The following MSN variants were observed in gnomAD, a reference collection of about 807,000 sequenced individuals.
MSN encodes epididymis luminal protein 70.
MSN carries 2 observed loss-of-function variants against 48.0 expected under a neutral mutation model. The observed-to-expected ratio is 0.04, with a 90% confidence interval of 0.02 to 0.13. The LOEUF is 0.13. MSN is among the 10% of genes least tolerant of loss of function. MSN has a pLI of 1.00. For missense variants in MSN, 267 were observed against 470.1 expected (o/e 0.57, Z 3.99); for synonymous variants, 146 against 166.9 (o/e 0.87, Z 0.97).
intron 6 of MSN, 126 bp from the exon 7 acceptor site, chrX:65,733,058 T>G (rs1245169457): frequency 2.0e-6 from 1 of 494,387 alleles, no homozygotes; most frequent in African/African-American, 2.5e-5. Flanking sequence ...CTCTATTTAT[T>G]TTAAAAAAAA....
intron 1 of MSN, among the ~76,000 whole-genome samples, chrX:65,615,819 T>C (rs1354336571): frequency 1.8e-5 from 2 of 111,911 alleles, no homozygotes; most frequent in Non-Finnish European, 1.9e-5. Context: ...AGTTTTCTTC[T>C]AGGGTTTTTG....
chrX:65,650,052 C>CTTTTTTTTTTTTT (rs59222247), intron 1 of MSN, among the ~76,000 whole-genome samples: 1 of 53,195 alleles, frequency 1.9e-5, no homozygotes. Flanking sequence ...CCTTTTTTCT[C>CTTTTTTTTTTTTT]TTTTTTTTTT....
At chrX:65,664,745 C>T (rs2070854086), upstream of MSN, among the ~76,000 whole-genome samples, 1 of 105,684 alleles carries the variant, frequency 9.5e-6, no homozygotes, top group African/African-American at 3.5e-5. Context: ...ACTTCTATGC[C>T]CCCTTTCTTT....
At chrX:65,708,107 C>T (rs2071379595) in intron 1 of MSN, among the ~76,000 whole-genome samples, 1 of 110,979 alleles carries the variant, frequency 9.0e-6, no homozygotes, top group South Asian at 3.8e-4. Context: ...ACCTTGGTCT[C>T]CCAAAGTGTT....
At chrX:65,675,845 C>T (rs951682574) in intron 1 of MSN, among the ~76,000 whole-genome samples, 4 of 111,397 alleles carry the variant, frequency 3.6e-5, no homozygotes, top group Non-Finnish European at 7.5e-5. Flanking sequence ...ACCATGTTGG[C>T]CAGGCTGGTC....
intron 10 of MSN, among the ~76,000 whole-genome samples, chrX:65,738,312 C>T (rs748561459): frequency 9.0e-6 from 1 of 111,590 alleles, no homozygotes; most frequent in Non-Finnish European, 1.9e-5. Context: ...CTTCAAGAGG[C>T]CTACAGTCTA....
At chrX:65,714,979 A>G (rs2071448957) in intron 1 of MSN, among the ~76,000 whole-genome samples, 2 of 111,696 alleles carry the variant, frequency 1.8e-5, no homozygotes, top group South Asian at 7.3e-4. Context: ...TTTAATACAT[A>G]TAGAGTTGAT....
chrX:65,662,088 A>T (rs2070828098), intron 1 of MSN, among the ~76,000 whole-genome samples: 1 of 112,391 alleles, frequency 8.9e-6, no homozygotes, highest in African/African-American at 3.2e-5. Context: ...GAGGTGAAAG[A>T]TCTCTCCAAG....
At chrX:65,651,690 C>T (rs1490309375) in intron 1 of MSN, among the ~76,000 whole-genome samples, 2 of 107,298 alleles carry the variant, frequency 1.9e-5, no homozygotes, top group African/African-American at 3.4e-5. Context: ...TGGGTTCAAG[C>T]GATTCTCCTG....
At chrX:65,674,821 G>A (rs2070980615) in intron 1 of MSN, among the ~76,000 whole-genome samples, 1 of 111,834 alleles carries the variant, frequency 8.9e-6, no homozygotes, top group South Asian at 3.7e-4. Flanking sequence ...TGGAAAGGAA[G>A]CATAGAGTAG....
At chrX:65,597,103 G>GCAGA (rs2070193200) in intron 1 of MSN, among the ~76,000 whole-genome samples, 1 of 111,540 alleles carries the variant, frequency 9.0e-6, no homozygotes, top group African/African-American at 3.3e-5. Flanking sequence ...AGGCTACAGT[G>GCAGA]CAGAACTTGG....
At position 65,647,856 on chromosome X, in the gene MSN, C is replaced by T. The variant is rs191979610; in HGVS notation, c.-22+59244C>T. Among the ~76,000 whole-genome samples, 219 of 112,009 alleles carry T rather than the reference C, an allele frequency of 2.0e-3. 2 individuals are homozygous for T. The highest frequency in any genetic ancestry group is 4.9e-3 in the African/African-American group (150 of 30,904). ...AGGCCATGACAACGATTCTTTTCAT[C>T]ATAAAAGCACAGGGGAGAAGCCATT... On this transcript the variant is annotated intron_variant, in intron 1 of 3. Coordinates refer to the MSN transcript ENST00000609672.
intron 1 of MSN, among the ~76,000 whole-genome samples, chrX:65,626,576 G>A (rs1247108861): frequency 1.8e-5 from 2 of 110,925 alleles, no homozygotes; most frequent in Non-Finnish European, 3.8e-5. Context: ...TGTTCAGCTG[G>A]TGTTTTCATA....
chrX:65,672,562 G>T (rs1414917785), intron 1 of MSN, among the ~76,000 whole-genome samples: 1 of 111,781 alleles, frequency 8.9e-6, no homozygotes, highest in Non-Finnish European at 1.9e-5. Context: ...CACTTTGGAG[G>T]ATTAGCTCAG....
chrX:65,623,699 C>T (rs1453664435), intron 1 of MSN, among the ~76,000 whole-genome samples: 1 of 109,036 alleles, frequency 9.2e-6, no homozygotes, highest in African/African-American at 3.4e-5. Context: ...GTAATCCCAG[C>T]TACTTGGGAG....
chrX:65,694,623 C>T (rs1005357670), intron 1 of MSN, among the ~76,000 whole-genome samples: 1 of 112,220 alleles, frequency 8.9e-6, no homozygotes, highest in African/African-American at 3.2e-5. Flanking sequence ...GCCACCACGC[C>T]CGGCACTCTT....
At chrX:65,641,549 AGTATAT>A (rs1263764455) in intron 1 of MSN, among the ~76,000 whole-genome samples, 62 of 32,562 alleles carry the variant, frequency 1.9e-3, no homozygotes, top group African/African-American at 6.1e-3. Context: ...AAAAAAGTGA[AGTATAT>A]ATATATATAT....
chrX:65,642,452 G>A (rs1251902931), intron 1 of MSN, among the ~76,000 whole-genome samples: 2 of 109,448 alleles, frequency 1.8e-5, no homozygotes, highest in African/African-American at 3.3e-5. Context: ...GGCAGAGTCC[G>A]CCAGGGTCCA....
upstream of MSN, among the ~76,000 whole-genome samples, chrX:65,662,924 TAAAC>T (rs1268105893): frequency 8.9e-6 from 1 of 111,827 alleles, no homozygotes; most frequent in African/African-American, 3.2e-5. Context: ...ATAGGGCACT[TAAAC>T]AAATCAATAA....
Sources: allele counts gnomAD v4.1 joint callset (sites outside exome capture counted in the v4.1 genomes callset), GRCh38; gene constraint gnomAD v4.1.1; transcripts MANE v1.5; gene names NCBI Gene and HGNC (gene_info 2026-07-23, HGNC 2026-07-21).